Variants in NPAS3 observed in about 807,000 individuals in gnomAD.
NPAS3 encodes neuronal PAS domain protein 3.
NPAS3 carries 14 observed loss-of-function variants against 73.1 expected under a neutral mutation model. That is an observed-to-expected ratio of 0.19 (90% CI 0.13 to 0.30). The LOEUF is 0.30. Ranked by LOEUF, NPAS3 falls within the 10% of genes least tolerant of loss-of-function variation. The pLI is 1.00. For synonymous variants in NPAS3, 620 were observed against 541.5 expected, an observed-to-expected ratio of 1.14 and a Z score of -2.01; for missense variants, 1,096 against 1,250.0, an observed-to-expected ratio of 0.88 and a Z score of 1.86.
chr14:33,212,153 A>G (rs554709824), intron 2 of NPAS3, among the ~76,000 whole-genome samples: 10 of 152,326 alleles, frequency 6.6e-5, no homozygotes, highest in South Asian at 2.1e-4. Flanking sequence ...TTAATGCACA[A>G]TCTAGAGTGT....
chr14:33,223,450 T>G (rs1241466714), intron 3 of NPAS3, among the ~76,000 whole-genome samples: 4 of 152,192 alleles, frequency 2.6e-5, no homozygotes, highest in Non-Finnish European at 4.4e-5. Context: ...ATATTTATAA[T>G]TCATAGAGAA....
At chr14:33,664,890 C>A (rs543079125) in intron 5 of NPAS3, among the ~76,000 whole-genome samples, 3 of 152,174 alleles carry the variant, frequency 2.0e-5, no homozygotes, top group Admixed American at 6.5e-5. Context: ...GAGATAGGAA[C>A]GCTTTTACAC....
intron 3 of NPAS3, among the ~76,000 whole-genome samples, chr14:33,308,510 T>TTATATATATATATATATATATA (rs67518761): frequency 5.3e-4 from 44 of 83,490 alleles, no homozygotes; most frequent in African/African-American, 2.0e-3. Context: ...ATTGCATAGT[T>TTATATATATATATATATATATA]TATATATATA....
chr14:33,351,842 A>G (rs1272449412), intron 3 of NPAS3, among the ~76,000 whole-genome samples: 1 of 152,182 alleles, frequency 6.6e-6, no homozygotes, highest in African/African-American at 2.4e-5. Flanking sequence ...GTGGGAGTTG[A>G]ACTATGAGAA....
chr14:33,363,920 C>CTGTG (rs1358331553), intron 3 of NPAS3, among the ~76,000 whole-genome samples: 9 of 25,556 alleles, frequency 3.5e-4, no homozygotes, highest in African/African-American at 6.7e-4. Flanking sequence ...TAGCAATGCC[C>CTGTG]TCTGTGTGTG....
At chr14:33,630,013 C>G (rs1259122857) in intron 5 of NPAS3, among the ~76,000 whole-genome samples, 1 of 152,158 alleles carries the variant, frequency 6.6e-6, no homozygotes, top group Non-Finnish European at 1.5e-5. Context: ...ATTTAGCTGT[C>G]CAAATTCTCA....
chr14:33,500,187 G>A (rs149556273), intron 4 of NPAS3, among the ~76,000 whole-genome samples: 379 of 151,910 alleles, frequency 2.5e-3, no homozygotes, highest in Non-Finnish European at 4.4e-3. Flanking sequence ...TCTCTGTTGG[G>A]ATTTTTCTTT....
intron 5 of NPAS3, among the ~76,000 whole-genome samples, chr14:33,637,406 T>G (rs1040205401): frequency 2.0e-5 from 3 of 152,186 alleles, no homozygotes; most frequent in Admixed American, 6.5e-5. Context: ...TATCACATCA[T>G]TAGAGTCCAT....
chr14:33,713,516 AG>A (rs1235215203), intron 6 of NPAS3, among the ~76,000 whole-genome samples: 1 of 152,268 alleles, frequency 6.6e-6, no homozygotes, highest in Non-Finnish European at 1.5e-5. Flanking sequence ...GTGCCTATGC[AG>A]TCACCTTTGG....
intron 4 of NPAS3, among the ~76,000 whole-genome samples, chr14:33,485,336 A>G (rs920278912): frequency 6.6e-6 from 1 of 152,154 alleles, no homozygotes; most frequent in African/African-American, 2.4e-5. Context: ...ATCACATTCT[A>G]CTTTCAGAAA....
At chr14:33,725,266 AAAATAAAT>A (rs909086236) in intron 6 of NPAS3, among the ~76,000 whole-genome samples, 2 of 152,188 alleles carry the variant, frequency 1.3e-5, no homozygotes, top group African/African-American at 4.8e-5. Flanking sequence ...AGTATAATAA[AAAATAAAT>A]AAATAAATAT....
At chr14:33,283,244 C>T (rs1329237724) in intron 3 of NPAS3, among the ~76,000 whole-genome samples, 1 of 152,122 alleles carries the variant, frequency 6.6e-6, no homozygotes, top group African/African-American at 2.4e-5. Flanking sequence ...TCATCTAGGG[C>T]CCAAGATTAC....
chr14:33,609,548 A>C (rs578036618), intron 5 of NPAS3, among the ~76,000 whole-genome samples: 46 of 152,120 alleles, frequency 3.0e-4, no homozygotes, highest in Admixed American at 9.8e-4. Flanking sequence ...TCAAAAAAAA[A>C]AGGACGTGAA....
chr14:33,215,438 G>A lies in NPAS3; in HGVS notation c.385+12G>A. ...CACATCAGTAAAAGGTAAGTTTTAG[G>A]TCACTGTTCAGTCTGAATATGATGG... On this transcript the variant is annotated intron_variant, in intron 3 of 11. Transcript: ENST00000356141. 3.1e-6 allele frequency: 5 copies of A among 1,613,658 alleles called. No individual in the cohort carries two copies. The highest frequency in any genetic ancestry group is 4.2e-6 in the Non-Finnish European group (5 of 1,179,782).
intron 2 of NPAS3, among the ~76,000 whole-genome samples, chr14:33,171,072 T>C (rs909605332): frequency 9.9e-5 from 15 of 152,224 alleles, no homozygotes; most frequent in African/African-American, 3.6e-4. Flanking sequence ...AAAGTCAAAA[T>C]GACTCCTTGA....
intron 5 of NPAS3, among the ~76,000 whole-genome samples, chr14:33,576,652 C>T (rs1321496539): frequency 6.6e-6 from 1 of 152,022 alleles, no homozygotes; most frequent in Non-Finnish European, 1.5e-5. Flanking sequence ...GAGTTGTGTC[C>T]GATTTTCAGA....
chr14:33,601,267 C>T (rs867030705), intron 5 of NPAS3, among the ~76,000 whole-genome samples: 20 of 152,278 alleles, frequency 1.3e-4, no homozygotes, highest in South Asian at 4.2e-4. Context: ...ATTATTTTCC[C>T]GCTTCAAAGT....
At chr14:33,168,449 C>T (rs1364065826) in intron 2 of NPAS3, among the ~76,000 whole-genome samples, 2 of 152,168 alleles carry the variant, frequency 1.3e-5, no homozygotes, top group Non-Finnish European at 2.9e-5. Context: ...AGAAGCATAT[C>T]ATTCCAAAGA....
upstream of NPAS3, among the ~76,000 whole-genome samples, chr14:32,937,691 A>G (rs2035741848): frequency 6.6e-6 from 1 of 152,144 alleles, no homozygotes; most frequent in African/African-American, 2.4e-5. Context: ...CGAATGGAGG[A>G]CCCCTTTTCA....
Sources: allele counts gnomAD v4.1 joint callset (sites outside exome capture counted in the v4.1 genomes callset), GRCh38; gene constraint gnomAD v4.1.1; transcripts MANE v1.5; gene names NCBI Gene and HGNC (gene_info 2026-07-23, HGNC 2026-07-21).